Variants in GRM8 observed in about 807,000 individuals in gnomAD.
The protein encoded by GRM8 is metabotropic glutamate receptor 8.
A neutral mutation model predicts 87.2 loss-of-function variants in GRM8; 47 were observed. The ratio of observed to expected loss-of-function variants is 0.54; its 90% CI spans 0.43 to 0.69. The LOEUF (loss-of-function observed/expected upper bound fraction) is 0.69. GRM8 is among the 30% of genes least tolerant of loss of function. GRM8 has a pLI of 0.00. For synonymous variants in GRM8, 396 were observed against 404.5 expected (o/e 0.98, Z 0.25); for missense variants, 1,019 against 1,139.2 (o/e 0.89, Z 1.52).
At chr7:126,814,299 G>T (rs140375772) in intron 6 of GRM8, among the ~76,000 whole-genome samples, 1 of 152,116 alleles carries the variant, frequency 6.6e-6, no homozygotes, top group Admixed American at 6.6e-5. Context: ...CTGATTATTA[G>T]AACAGACATT....
At chr7:126,988,137 T>C (rs2106188) in intron 3 of GRM8, among the ~76,000 whole-genome samples, 50,922 of 151,788 alleles carry the variant, frequency 0.34, 8,690 homozygotes, top group Non-Finnish European at 0.38. Flanking sequence ...GGAATATATA[T>C]CAAGCTACTA....
intron 3 of GRM8, chr7:127,084,334 C>T (rs1275922286): frequency 6.6e-6 from 1 of 152,116 alleles, no homozygotes; most frequent in African/African-American, 2.4e-5. Context: ...AAACACAAAA[C>T]AGAATAGGAG....
chr7:126,637,322 A>T (rs1053867587), intron 7 of GRM8, among the ~76,000 whole-genome samples: 1 of 152,132 alleles, frequency 6.6e-6, no homozygotes, highest in Non-Finnish European at 1.5e-5. Flanking sequence ...AATCATATAA[A>T]TAAAAATGAC....
intron 2 of GRM8, chr7:127,228,793 G>C (rs1442964369): frequency 6.6e-6 from 1 of 152,128 alleles, no homozygotes; most frequent in African/African-American, 2.4e-5. Flanking sequence ...ATTCTAGGTT[G>C]TTTAAAACAA....
In GRM8 at chr7:127,193,565, A is replaced by G. The variant is rs148634655; in HGVS notation, c.510+49130T>C. ...AACTCTAATTTGCAGCAAGACTCCC[A>G]TGGCATTTCAAGAGGCTTTGAGTCT... On this transcript the variant is annotated intron_variant, in intron 2 of 10. Coordinates refer to ENST00000339582, the MANE Select transcript of GRM8 (RefSeq NM_000845.3). Among the ~76,000 whole-genome samples the G allele has an allele frequency of 3.4e-3, 512 of 152,316 alleles. 17 individuals are homozygous for G. Among genetic ancestry groups the G allele is most frequent in the Admixed American group, 0.03 (457 of 15,292 alleles).
At chr7:126,743,494 AAAAT>A (rs1370760389) in intron 7 of GRM8, among the ~76,000 whole-genome samples, 2 of 152,296 alleles carry the variant, frequency 1.3e-5, no homozygotes, top group African/African-American at 4.8e-5. Flanking sequence ...ATAGCAATAA[AAAAT>A]AAATAAAAAG....
chr7:126,636,114 C>T (rs1801827913), intron 7 of GRM8, among the ~76,000 whole-genome samples: 1 of 152,012 alleles, frequency 6.6e-6, no homozygotes, highest in African/African-American at 2.4e-5. Flanking sequence ...TTTGAAATTG[C>T]TAAATGCTTT....
chr7:126,916,327 T>C (rs1803898156), intron 3 of GRM8, among the ~76,000 whole-genome samples: 1 of 152,204 alleles, frequency 6.6e-6, no homozygotes, highest in South Asian at 2.1e-4. Flanking sequence ...GAACACTCAT[T>C]GGATGTGTGA....
At chr7:127,066,711 A>G (rs1194710464) in intron 3 of GRM8, among the ~76,000 whole-genome samples, 1 of 152,172 alleles carries the variant, frequency 6.6e-6, no homozygotes, top group Non-Finnish European at 1.5e-5. Flanking sequence ...TAGTCATCCT[A>G]CAGTGCTAGA....
At chr7:126,884,187 T>C (rs1233450267) in intron 6 of GRM8, among the ~76,000 whole-genome samples, 2 of 152,054 alleles carry the variant, frequency 1.3e-5, no homozygotes, top group Non-Finnish European at 2.9e-5. Flanking sequence ...CAAAAAACTA[T>C]ATTCAAAGTA....
intron 7 of GRM8, among the ~76,000 whole-genome samples, chr7:126,617,821 G>T (rs1799677477): frequency 1.3e-5 from 2 of 152,086 alleles, no homozygotes; most frequent in African/African-American, 2.4e-5. Flanking sequence ...AACTTACAAG[G>T]GATGTGAAGG....
intron 3 of GRM8, among the ~76,000 whole-genome samples, chr7:126,931,553 T>G (rs955154526): frequency 2.0e-5 from 3 of 152,210 alleles, no homozygotes; most frequent in African/African-American, 7.2e-5. Flanking sequence ...AAAACATTAC[T>G]TCAAATAGAA....
intron 7 of GRM8, among the ~76,000 whole-genome samples, chr7:126,760,295 A>G (rs889287092): frequency 6.6e-6 from 1 of 152,214 alleles, no homozygotes; most frequent in Non-Finnish European, 1.5e-5. Context: ...AGGAAGAGCT[A>G]GAGTAAAAAC....
chr7:126,869,674 G>C (rs976564532), intron 6 of GRM8: 1 of 151,888 alleles, frequency 6.6e-6, no homozygotes, highest in African/African-American at 2.4e-5. Flanking sequence ...CTTTTTTTCT[G>C]GGCAGTAGGT....
At chr7:127,179,468 T>C (rs1246187795) in intron 2 of GRM8, among the ~76,000 whole-genome samples, 1 of 152,002 alleles carries the variant, frequency 6.6e-6, no homozygotes, top group Non-Finnish European at 1.5e-5. Flanking sequence ...AAAGAAACAA[T>C]GGATTTAAAC....
At chr7:126,879,481 C>G (rs1343755485) in intron 6 of GRM8, among the ~76,000 whole-genome samples, 1 of 152,152 alleles carries the variant, frequency 6.6e-6, no homozygotes, top group African/African-American at 2.4e-5. Context: ...CTCTCCCTCT[C>G]TCTTTCTCCT....
At chr7:126,741,939 T>C (rs1815054761) in intron 7 of GRM8, among the ~76,000 whole-genome samples, 1 of 152,040 alleles carries the variant, frequency 6.6e-6, no homozygotes, top group East Asian at 1.9e-4. Flanking sequence ...AGACAACACA[T>C]CCATTACAGT....
At chr7:126,530,864 G>A (rs964278691) in intron 9 of GRM8, among the ~76,000 whole-genome samples, 2 of 152,302 alleles carry the variant, frequency 1.3e-5, no homozygotes, top group Admixed American at 1.3e-4. Flanking sequence ...CTGTAGGGCA[G>A]TGGCATGATC....
intron 8 of GRM8, among the ~76,000 whole-genome samples, chr7:126,547,985 G>A (rs1817345022): frequency 6.6e-6 from 1 of 151,822 alleles, no homozygotes; most frequent in African/African-American, 2.4e-5. Flanking sequence ...TAGGAGATAC[G>A]CCACAAAAAA....
Sources: allele counts gnomAD v4.1 joint callset (sites outside exome capture counted in the v4.1 genomes callset), GRCh38; gene constraint gnomAD v4.1.1; transcripts MANE v1.5; gene names NCBI Gene and HGNC (gene_info 2026-07-23, HGNC 2026-07-21).